The following STK24 variants were observed in gnomAD, a reference collection of about 807,000 sequenced individuals.
STK24 encodes serine/threonine kinase 24, also known as serine/threonine-protein kinase 24.
Under a neutral mutation model 55.6 loss-of-function variants are expected in STK24, and 21 were observed. The ratio of observed to expected loss-of-function variants is 0.38; its 90% CI spans 0.27 to 0.54. The LOEUF is 0.54. STK24 is among the 20% of genes least tolerant of loss of function. STK24 has a pLI of 0.79. For missense variants in STK24, 383 were observed against 538.4 expected (o/e 0.71, Z 2.86); for synonymous variants, 200 against 215.2 (o/e 0.93, Z 0.62).
chr13:98,519,940 C>T (rs376709169), intron 1 of STK24, among the ~76,000 whole-genome samples: 5 of 151,882 alleles, frequency 3.3e-5, no homozygotes, highest in South Asian at 4.2e-4. Context: ...GAAAAAAAAA[C>T]GTATACCGTA....
chr13:98,500,012 G>C (rs187804553), intron 2 of STK24, among the ~76,000 whole-genome samples: 2 of 152,164 alleles, frequency 1.3e-5, no homozygotes, highest in African/African-American at 4.8e-5. Context: ...TGTGATGTGC[G>C]TGCTAGTGTT....
chr13:98,516,874 G>C (rs1594631673), intron 2 of STK24, among the ~76,000 whole-genome samples: 1 of 152,160 alleles, frequency 6.6e-6, no homozygotes, highest in South Asian at 2.1e-4. Context: ...CAAAATACCG[G>C]GGCAACCTTA....
intron 1 of STK24, among the ~76,000 whole-genome samples, chr13:98,543,518 C>A (rs1333709033): frequency 6.6e-6 from 1 of 152,220 alleles, no homozygotes; most frequent in African/African-American, 2.4e-5. Context: ...AACAGCTGGT[C>A]TCCATCAACA....
chr13:98,525,660 G>A lies in STK24; in HGVS notation c.43-6187C>T, dbSNP rs189012450. On this transcript the variant is annotated intron_variant, in intron 1 of 10. Coordinates refer to ENST00000539966, the MANE Select transcript of STK24 (RefSeq NM_001032296.4). The stretch of plus-strand genomic sequence containing the variant: ...TTCTCTATGACCAAGGGAAGCACAA[G>A]GGAGTGACTTCCCCTTCCCGAGCTC... Among the ~76,000 whole-genome samples the A allele has an allele frequency of 3.5e-3, 527 of 152,314 alleles. 5 individuals carry two copies. Among genetic ancestry groups the A allele is most frequent in the African/African-American group, 0.012 (497 of 41,562 alleles).
intron 1 of STK24, among the ~76,000 whole-genome samples, chr13:98,526,427 A>G (rs1200828764): frequency 6.6e-6 from 1 of 152,114 alleles, no homozygotes; most frequent in Non-Finnish European, 1.5e-5. Context: ...GCTAAGAGGA[A>G]AGTACTTCTG....
At chr13:98,505,620 T>TA (rs1895654831) in intron 2 of STK24, among the ~76,000 whole-genome samples, 1 of 152,242 alleles carries the variant, frequency 6.6e-6, no homozygotes, top group Admixed American at 6.5e-5. Flanking sequence ...CAAAATTCTG[T>TA]AAACTAACTT....
intron 2 of STK24, among the ~76,000 whole-genome samples, chr13:98,518,989 A>G (rs1896168407): frequency 6.6e-6 from 1 of 152,258 alleles, no homozygotes; most frequent in Non-Finnish European, 1.5e-5. Flanking sequence ...TTTTAATGAC[A>G]AAGTCCCACC....
intron 2 of STK24, among the ~76,000 whole-genome samples, chr13:98,489,591 C>T (rs950696382): frequency 2.6e-5 from 4 of 152,178 alleles, no homozygotes; most frequent in Non-Finnish European, 5.9e-5. Flanking sequence ...TGGCAGATGC[C>T]ACAAAAGACA....
intron 1 of STK24, among the ~76,000 whole-genome samples, chr13:98,537,805 G>T (rs946701891): frequency 2.0e-5 from 3 of 152,062 alleles, no homozygotes; most frequent in African/African-American, 7.2e-5. Flanking sequence ...TGAGGGATTC[G>T]ATTTAAGTGA....
At chr13:98,576,094 G>A (rs538979560) in intron 1 of STK24, 2 of 984,842 alleles carry the variant, frequency 2.0e-6, no homozygotes, top group Non-Finnish European at 2.4e-6. Flanking sequence ...CCTGGTGCGC[G>A]GCTGTCCGAG....
At chr13:98,558,222 C>T (rs1443095204) in intron 1 of STK24, among the ~76,000 whole-genome samples, 1 of 152,194 alleles carries the variant, frequency 6.6e-6, no homozygotes, top group Non-Finnish European at 1.5e-5. Flanking sequence ...TACACATTGG[C>T]TGATATACCA....
chr13:98,505,255 T>G (rs1410126239), intron 2 of STK24, among the ~76,000 whole-genome samples: 1 of 152,148 alleles, frequency 6.6e-6, no homozygotes, highest in Non-Finnish European at 1.5e-5. Context: ...ATAATAGCAA[T>G]TCATTCTCAA....
chr13:98,484,932 A>C, intron 2 of STK24, among the ~76,000 whole-genome samples: 1 of 152,170 alleles, frequency 6.6e-6, no homozygotes, highest in East Asian at 1.9e-4. Flanking sequence ...CTACCCAGAC[A>C]CAAGGCTCAC....
intron 1 of STK24, among the ~76,000 whole-genome samples, chr13:98,536,319 T>C (rs1050784706): frequency 3.9e-5 from 6 of 151,938 alleles, no homozygotes; most frequent in Non-Finnish European, 7.4e-5. Context: ...TGCCTTAGGC[T>C]TTGGGGACTA....
intron 2 of STK24, among the ~76,000 whole-genome samples, chr13:98,492,688 A>T (rs968990764): frequency 6.6e-6 from 1 of 152,162 alleles, no homozygotes. Context: ...AGAAGGGAGG[A>T]TCCATACCAC....
At chr13:98,573,260 C>A (rs1378532679) in intron 1 of STK24, among the ~76,000 whole-genome samples, 1 of 152,174 alleles carries the variant, frequency 6.6e-6, no homozygotes. Flanking sequence ...AATTTTGTAA[C>A]AGAAATGTGC....
Position 98,446,886 on chromosome 13 carries a change from TC to T in STK24, c.*6286del. 6.4e-7 allele frequency: 1 copy of T among 1,557,256 alleles called. No individual in the cohort carries two copies. The highest frequency in any genetic ancestry group is 1.4e-5 in the African/African-American group (1 of 73,846). On this transcript the variant is annotated 3_prime_UTR_variant, in exon 11 of 11. Coordinates refer to ENST00000539966, the MANE Select transcript of STK24 (RefSeq NM_001032296.4). ...CCCCTCTTCCAAACATCAGGATTTC[TC>T]CCAAGTCAGCGAGTGAGATGGCCCC...
intron 1 of STK24, among the ~76,000 whole-genome samples, chr13:98,573,887 C>T (rs1050304766): frequency 1.3e-5 from 2 of 151,988 alleles, no homozygotes. Flanking sequence ...CAAACGGTAC[C>T]GGTAAGAATC....
At chr13:98,546,785 A>G (rs962688772) in intron 1 of STK24, among the ~76,000 whole-genome samples, 1 of 152,216 alleles carries the variant, frequency 6.6e-6, no homozygotes, top group Non-Finnish European at 1.5e-5. Context: ...TCTCAACTAA[A>G]AAAAGGCCAG....
Sources: gnomAD v4.1 joint callset for allele counts (sites outside exome capture counted in the v4.1 genomes callset) on GRCh38, gnomAD v4.1.1 for gene constraint, MANE v1.5 for transcripts, NCBI Gene and HGNC (gene_info 2026-07-23, HGNC 2026-07-21) for gene names.